Variants in TOX observed in about 807,000 individuals in gnomAD.
TOX encodes thymocyte selection-associated high mobility group box protein TOX.
A neutral mutation model predicts 53.7 loss-of-function variants in TOX; 11 were observed. The observed-to-expected ratio is 0.20, with a 90% CI of 0.13 to 0.34. The LOEUF (loss-of-function observed/expected upper bound fraction) is 0.34. Ranked by LOEUF, TOX falls within the 10% of genes least tolerant of loss-of-function variation. The pLI is 1.00. For synonymous variants in TOX, 225 were observed against 245.3 expected, an observed-to-expected ratio of 0.92 and a Z score of 0.77; for missense variants, 570 against 664.6, an observed-to-expected ratio of 0.86 and a Z score of 1.56.
intron 1 of TOX, among the ~76,000 whole-genome samples, chr8:59,114,143 C>A (rs1453054418): frequency 6.6e-6 from 1 of 152,190 alleles, no homozygotes; most frequent in Non-Finnish European, 1.5e-5. Flanking sequence ...GCAATCACAT[C>A]ATTTAAACAA....
chr8:58,836,862 A>G (rs558256598), intron 5 of TOX, among the ~76,000 whole-genome samples: 53 of 152,186 alleles, frequency 3.5e-4, no homozygotes, highest in Non-Finnish European at 6.9e-4. Context: ...TCTCTGTTCT[A>G]TCCTCAGTGC....
intron 3 of TOX, among the ~76,000 whole-genome samples, chr8:58,889,538 T>C (rs1183404962): frequency 2.6e-5 from 4 of 152,066 alleles, no homozygotes; most frequent in Non-Finnish European, 4.4e-5. Flanking sequence ...AAGAATGGGA[T>C]ACTTTGCAGT....
chr8:59,070,590 A>G (rs1288308694), intron 1 of TOX, among the ~76,000 whole-genome samples: 1 of 151,600 alleles, frequency 6.6e-6, no homozygotes, highest in Admixed American at 6.6e-5. Context: ...AAGATGGTGG[A>G]AAGCAGGTAA....
At chr8:58,845,474 G>A (rs1810706097) in intron 4 of TOX, among the ~76,000 whole-genome samples, 1 of 152,028 alleles carries the variant, frequency 6.6e-6, no homozygotes, top group South Asian at 2.1e-4. Flanking sequence ...ATTCAAATAA[G>A]CATGGAAAGT....
intron 7 of TOX, among the ~76,000 whole-genome samples, chr8:58,809,938 G>C (rs966174210): frequency 1.3e-5 from 2 of 152,180 alleles, no homozygotes; most frequent in Non-Finnish European, 2.9e-5. Flanking sequence ...TGATGCTACT[G>C]TTGGAAAGGT....
chr8:59,022,181 T>C (rs1024914101), intron 1 of TOX, among the ~76,000 whole-genome samples: 3 of 152,212 alleles, frequency 2.0e-5, no homozygotes, highest in African/African-American at 7.2e-5. Flanking sequence ...TTAACTATGA[T>C]TTAGAAACTC....
intron 4 of TOX, among the ~76,000 whole-genome samples, chr8:58,847,153 A>T (rs559397898): frequency 6.6e-6 from 1 of 152,298 alleles, no homozygotes; most frequent in East Asian, 1.9e-4. Context: ...GAATTCTTAC[A>T]AAGTTTTCAT....
chr8:58,817,212 C>T (rs1260461124), intron 6 of TOX, among the ~76,000 whole-genome samples: 1 of 152,062 alleles, frequency 6.6e-6, no homozygotes, highest in Non-Finnish European at 1.5e-5. Context: ...CTCATTCTGA[C>T]ATTTTCCCCT....
At chr8:58,907,083 T>G (rs1811828335) in intron 3 of TOX, among the ~76,000 whole-genome samples, 3 of 152,218 alleles carry the variant, frequency 2.0e-5, no homozygotes. Flanking sequence ...AGGGAAAAGA[T>G]CAGTCGATTG....
chr8:58,844,910 G>T (rs867464314), intron 4 of TOX, among the ~76,000 whole-genome samples: 1 of 152,000 alleles, frequency 6.6e-6, no homozygotes, highest in South Asian at 2.1e-4. Context: ...ATCCCTAGAG[G>T]TGCCTGAAGG....
chr8:58,915,053 G>T (rs550115419), intron 3 of TOX, among the ~76,000 whole-genome samples: 2 of 148,662 alleles, frequency 1.3e-5, no homozygotes, highest in Non-Finnish European at 3.0e-5. Flanking sequence ...AGGGTCCTAC[G>T]CCCACGGAAT....
At chr8:58,976,739 T>C (rs1357695793) in intron 1 of TOX, among the ~76,000 whole-genome samples, 1 of 152,244 alleles carries the variant, frequency 6.6e-6, no homozygotes, top group African/African-American at 2.4e-5. Flanking sequence ...GCAGAATGGA[T>C]GTTATGCTAA....
At chr8:58,942,484 T>A (rs1471032482) in intron 2 of TOX, among the ~76,000 whole-genome samples, 4 of 152,160 alleles carry the variant, frequency 2.6e-5, no homozygotes, top group Non-Finnish European at 4.4e-5. Flanking sequence ...ATATTAGAAA[T>A]CATGATATGC....
intron 1 of TOX, among the ~76,000 whole-genome samples, chr8:59,082,274 C>A (rs767123145): frequency 3.3e-5 from 5 of 152,336 alleles, no homozygotes; most frequent in African/African-American, 1.2e-4. Flanking sequence ...AAATCTTCCA[C>A]GGAGAATTGG....
chr8:58,977,718 G>A (rs1343604882), intron 1 of TOX, among the ~76,000 whole-genome samples: 1 of 152,166 alleles, frequency 6.6e-6, no homozygotes, highest in African/African-American at 2.4e-5. Flanking sequence ...AAATAGGGAG[G>A]TCTGAGGAGA....
intron 3 of TOX, among the ~76,000 whole-genome samples, chr8:58,920,721 T>TAAAAAAAAAAAAAAAAAAAAAAAAAAAA (rs5891703): frequency 4.9e-5 from 4 of 81,048 alleles, no homozygotes; most frequent in Non-Finnish European, 8.8e-5. Context: ...AAAAAAACAT[T>TAAAAAAAAAAAAAAAAAAAAAAAAAAAA]AAAAAAAAAA....
chr8:58,886,040 A>C (rs146320983), intron 3 of TOX, among the ~76,000 whole-genome samples: 1 of 152,072 alleles, frequency 6.6e-6, no homozygotes, highest in African/African-American at 2.4e-5. Flanking sequence ...ATCTGCCCCA[A>C]TTTATCCCTA....
At position 58,972,620 on chromosome 8, in the gene TOX, C is replaced by A. The variant is rs535187613; in HGVS notation, c.103-12612G>T. On this transcript the variant is annotated intron_variant, in intron 1 of 8. Transcript: ENST00000361421. ...CTTTGTATTTAATTGAACTGTATAA[C>A]CATTTTTGTTCTAGTTCAACAATTA... Among the ~76,000 whole-genome samples the A allele has an allele frequency of 2.1e-4, 32 of 152,126 alleles. 1 individual carries two copies. The South Asian group carries it at 5.6e-3, about 27-fold the overall frequency.
chr8:59,023,506 C>T (rs1320202134), intron 1 of TOX, among the ~76,000 whole-genome samples: 2 of 152,142 alleles, frequency 1.3e-5, no homozygotes, highest in African/African-American at 4.8e-5. Flanking sequence ...TAACACAACT[C>T]ATCATAGGAG....
Sources: allele counts gnomAD v4.1 joint callset (sites outside exome capture counted in the v4.1 genomes callset), GRCh38; gene constraint gnomAD v4.1.1; transcripts MANE v1.5; gene names NCBI Gene and HGNC (gene_info 2026-07-23, HGNC 2026-07-21).